Variants in NCALD observed in about 807,000 individuals in gnomAD.
The protein encoded by NCALD is neurocalcin delta.
A neutral mutation model predicts 18.6 loss-of-function variants in NCALD; 10 were observed. The ratio of observed to expected loss-of-function variants is 0.54; its 90% CI spans 0.33 to 0.91. The LOEUF is 0.91. NCALD is among the 40% of genes least tolerant of loss of function. The pLI is 0.03. For missense variants in NCALD, 184 were observed against 247.6 expected (o/e 0.74, Z 1.72); for synonymous variants, 88 against 87.4 (o/e 1.01, Z -0.04).
At chr8:101,921,258 A>T (rs1586757277) in intron 2 of NCALD, among the ~76,000 whole-genome samples, 1 of 104,878 alleles carries the variant, frequency 9.5e-6, no homozygotes, top group African/African-American at 4.2e-5. Context: ...AGAAATGTGT[A>T]AAAAAAAAAA....
intron 1 of NCALD, among the ~76,000 whole-genome samples, chr8:101,766,382 A>G (rs973108047): frequency 1.3e-5 from 2 of 152,204 alleles, no homozygotes; most frequent in African/African-American, 2.4e-5. Flanking sequence ...TACATGAAAA[A>G]TGTCTTGAAA....
At chr8:101,774,465 T>C (rs190519295) in intron 1 of NCALD, among the ~76,000 whole-genome samples, 9 of 152,336 alleles carry the variant, frequency 5.9e-5, no homozygotes, top group African/African-American at 1.9e-4. Flanking sequence ...ATGATGTAAC[T>C]CTGAAATGAT....
intron 4 of NCALD, among the ~76,000 whole-genome samples, chr8:101,857,714 C>T (rs1305580591): frequency 6.6e-6 from 1 of 152,122 alleles, no homozygotes; most frequent in Non-Finnish European, 1.5e-5. Context: ...CTTCTTTCAG[C>T]ATCAATGATT....
At chr8:101,899,900 AT>A (rs1817357758) in intron 3 of NCALD, among the ~76,000 whole-genome samples, 1 of 151,872 alleles carries the variant, frequency 6.6e-6, no homozygotes, top group African/African-American at 2.4e-5. Flanking sequence ...ATTGGGAAAT[AT>A]TTCCTCATCT....
chr8:101,692,513 G>A, intron 3 of NCALD: 1 of 985,414 alleles, frequency 1.0e-6, no homozygotes, highest in African/African-American at 1.7e-5. Flanking sequence ...ATGGTTTCTT[G>A]GTTCCTTTCA....
chr8:101,780,516 A>G (rs1811967242), intron 1 of NCALD, among the ~76,000 whole-genome samples: 1 of 152,168 alleles, frequency 6.6e-6, no homozygotes, highest in South Asian at 2.1e-4. Context: ...AATTCCCTCA[A>G]AATGTCCCTG....
intron 2 of NCALD, among the ~76,000 whole-genome samples, chr8:101,709,792 C>G (rs1224415803): frequency 6.6e-6 from 1 of 152,230 alleles, no homozygotes; most frequent in Non-Finnish European, 1.5e-5. Flanking sequence ...AGGAAGAATT[C>G]TTCCTCTTGA....
chr8:101,956,619 C>CAGAG (rs1398466724), intron 2 of NCALD, among the ~76,000 whole-genome samples: 1 of 150,654 alleles, frequency 6.6e-6, no homozygotes, highest in African/African-American at 2.4e-5. Context: ...GAGACAGACA[C>CAGAG]AGAGAGAGAG....
At chr8:101,699,425 G>A (rs893156015) in intron 2 of NCALD, among the ~76,000 whole-genome samples, 2 of 152,244 alleles carry the variant, frequency 1.3e-5, no homozygotes, top group Non-Finnish European at 2.9e-5. Flanking sequence ...ATACCCAAAG[G>A]AATATAAATC....
At chr8:101,940,821 T>A (rs1391563641) in intron 2 of NCALD, among the ~76,000 whole-genome samples, 1 of 152,144 alleles carries the variant, frequency 6.6e-6, no homozygotes, top group Non-Finnish European at 1.5e-5. Flanking sequence ...TAAAGGTGCA[T>A]CACACAGAAC....
chr8:102,044,463 G>T (rs1409390158), intron 1 of NCALD, among the ~76,000 whole-genome samples: 2 of 149,558 alleles, frequency 1.3e-5, no homozygotes, highest in African/African-American at 2.5e-5. Flanking sequence ...AAGAGAGATG[G>T]TATGACACTA....
chr8:101,748,332 A>T (rs1202391221), intron 1 of NCALD, among the ~76,000 whole-genome samples: 1 of 152,238 alleles, frequency 6.6e-6, no homozygotes, highest in African/African-American at 2.4e-5. Flanking sequence ...TTCACAAGCA[A>T]ATTGTAGGAT....
At chr8:102,099,613 G>C (rs1299567909) in intron 1 of NCALD, among the ~76,000 whole-genome samples, 1 of 146,790 alleles carries the variant, frequency 6.8e-6, no homozygotes, top group Admixed American at 6.8e-5. Context: ...CATTTAGGTT[G>C]ATGTTGTCAT....
chr8:102,031,902 T>C (rs922671025), intron 1 of NCALD, among the ~76,000 whole-genome samples: 1 of 152,182 alleles, frequency 6.6e-6, no homozygotes, highest in Non-Finnish European at 1.5e-5. Flanking sequence ...AAGGGGATTG[T>C]GTACAAGCCT....
chr8:101,728,538 C>G (rs927290174), intron 1 of NCALD, among the ~76,000 whole-genome samples: 4 of 152,164 alleles, frequency 2.6e-5, no homozygotes, highest in Admixed American at 6.5e-5. Flanking sequence ...AAATGTTTGC[C>G]TAGGGCGGGG....
intron 1 of NCALD, among the ~76,000 whole-genome samples, chr8:102,087,962 T>C (rs939548587): frequency 1.4e-5 from 2 of 138,434 alleles, no homozygotes; most frequent in Admixed American, 1.5e-4. Flanking sequence ...ATACTGTTTA[T>C]CTCCTCTGTA....
rs563756023 is a variant in NCALD, at chr8:101,938,549, T to C, written c.-156-22691A>G. ...TTTCAGATCACATATATCGGGATAA[T>C]AATGCGAAGACAAGATCAAAATTGT... On this transcript the variant is annotated intron_variant, in intron 2 of 6. Transcript: ENST00000311028. Among the ~76,000 whole-genome samples, 72 of 152,268 alleles carry C rather than the reference T, an allele frequency of 4.7e-4. No homozygotes were observed. In the South Asian group the frequency reaches 0.015, roughly 31 times the overall value.
Position 102,038,404 on chromosome 8 carries a change from G to A in NCALD, c.-209-18115C>T, listed in dbSNP as rs1424247860. On this transcript the variant is annotated intron_variant, in intron 1 of 6. Transcript: ENST00000311028. ...AGGCTTATCACACAATGCTCTGCATGGGGCTTGCAGAGTCTATGAGAAACA... is the reference window on the plus strand; with the variant it reads ...AGGCTTATCACACAATGCTCTGCATAGGGCTTGCAGAGTCTATGAGAAACA... Among the ~76,000 whole-genome samples, 32 of 152,106 alleles carry A rather than the reference G, an allele frequency of 2.1e-4. 1 individual carries two copies. The highest frequency in any genetic ancestry group is 2.0e-3 in the Admixed American group (31 of 15,268).
chr8:102,069,839 G>A (rs972728763), intron 1 of NCALD: 1 of 152,190 alleles, frequency 6.6e-6, no homozygotes. Flanking sequence ...ATTAGGCCTG[G>A]TGCGGTGGCT....
Sources: allele counts gnomAD v4.1 joint callset (sites outside exome capture counted in the v4.1 genomes callset), GRCh38; gene constraint gnomAD v4.1.1; transcripts MANE v1.5; gene names NCBI Gene and HGNC (gene_info 2026-07-23, HGNC 2026-07-21).